The following ORC3 variants were observed in gnomAD, a reference collection of about 807,000 sequenced individuals.
ORC3 encodes homolog of latheo, Drosophila.
A neutral mutation model predicts 100.7 loss-of-function variants in ORC3; 78 were observed. The observed-to-expected ratio is 0.77, with a 90% CI of 0.65 to 0.94. The LOEUF is 0.94. Ranked by LOEUF, ORC3 falls within the 40% of genes least tolerant of loss-of-function variation. The pLI is 0.00. For synonymous variants in ORC3, 295 were observed against 289.3 expected (o/e 1.02, Z -0.20); for missense variants, 789 against 823.9 (o/e 0.96, Z 0.52).
chr6:87,630,144 C>T (rs568666201), intron 11 of ORC3, among the ~76,000 whole-genome samples: 103 of 152,258 alleles, frequency 6.8e-4, no homozygotes, highest in African/African-American at 2.4e-3. Flanking sequence ...AAAAGAGAGA[C>T]TGAGGCTGGG....
At chr6:87,676,592 TAA>T in the ORC3 span, among the ~76,000 whole-genome samples, 4 of 77,892 alleles carry the variant, frequency 5.1e-5, no homozygotes, top group African/African-American at 2.8e-4. Flanking sequence ...CCGTCTCTAC[TAA>T]AAACACACAC....
At chr6:87,665,871 A>G in intron 19 of ORC3, 38 bp downstream of exon 19, 2 of 1,226,608 alleles carry the variant, frequency 1.6e-6, no homozygotes, top group Non-Finnish European at 2.4e-6. Flanking sequence ...GTCCAACTAC[A>G]CATAAAATAT....
intron 11 of ORC3, among the ~76,000 whole-genome samples, chr6:87,627,225 C>T (rs1779977091): frequency 6.7e-6 from 1 of 149,420 alleles, no homozygotes; most frequent in Admixed American, 6.7e-5. Context: ...TCTCAAACTC[C>T]TGACTTCAGA....
chr6:87,657,998 C>G lies in ORC3; in HGVS notation c.1671C>G (p.Asn557Lys). ...AAGTACTCAGAGAAAATGTTGTGAACTTCATTGACTGTCTAGTGAGGTAAG... is the reference window on the plus strand; with the variant it reads ...AAGTACTCAGAGAAAATGTTGTGAAGTTCATTGACTGTCTAGTGAGGTAAG... ...KFEVLRENVVNFIDCLVREYL... is the reference protein window; with the variant it reads ...KFEVLRENVVKFIDCLVREYL... Residue 557 changes from asparagine (N) to lysine (K), a missense_variant, in exon 16 of 20, where the codon AAC (asparagine) becomes AAG (lysine). This residue lies in a region of ORC3 where 366 missense variants were observed against 394.2 expected (regional missense o/e 0.93). Coordinates refer to ENST00000392844, the MANE Select transcript of ORC3 (RefSeq NM_012381.4). 1 of 1,595,304 alleles carries G rather than the reference C, an allele frequency of 6.3e-7. No homozygotes were observed. The highest frequency in any genetic ancestry group is 8.6e-7 in the Non-Finnish European group (1 of 1,163,344).
In ORC3 at chr6:87,667,064, A is replaced by G. The variant is rs977840958; in HGVS notation, c.2077A>G (p.Ile693Val). The G allele has an allele frequency of 9.9e-6, 16 of 1,612,998 alleles. No homozygotes were observed. Among genetic ancestry groups the G allele is most frequent in the Non-Finnish European group, 1.4e-5 (16 of 1,179,646 alleles). The change falls in exon 20 of 20, where the codon ATA becomes GTA. Residue 693 changes from isoleucine to valine, a missense_variant. Transcript: ENST00000392844. ...AVSELELLGF[I>V]KPTKQKTDHV... ...TTCTGAACTAGAACTTTTAGGATTT[A>G]TAAAACCTACCAAACAGAAGACTGA...
chr6:87,604,850 GA>G (rs996346553), intron 4 of ORC3, among the ~76,000 whole-genome samples: 59 of 147,836 alleles, frequency 4.0e-4, no homozygotes, highest in Admixed American at 1.2e-3. Flanking sequence ...GGCTCTCCTA[GA>G]AAAAAAAAAT....
chr6:87,590,157 G>C lies in ORC3; in HGVS notation c.-12G>C. On this transcript the variant is annotated 5_prime_UTR_variant, in exon 1 of 20. Coordinates refer to ENST00000392844, the MANE Select transcript of ORC3 (RefSeq NM_012381.4). ...CCCGAGTGCATCTGGAATACGCAGA[G>C]TCAGTAAGACCATGGCTACGTCCTC... is the stretch of plus-strand genomic sequence containing the variant. 6.2e-7 allele frequency: 1 copy of C among 1,614,132 alleles called. No individual in the cohort carries two copies. The highest frequency in any genetic ancestry group is 8.5e-7 in the Non-Finnish European group (1 of 1,179,944).
chr6:87,591,922 G>C lies in ORC3; in HGVS notation c.24+1730G>C, dbSNP rs541455615. 2.5e-3 allele frequency among the ~76,000 whole-genome samples: 380 copies of C among 152,218 alleles called. 2 individuals are homozygous for C. Among genetic ancestry groups the C allele is most frequent in the African/African-American group, 8.8e-3 (366 of 41,536 alleles). ...AATTTTGTATTTTTAGAAGAGACAG[G>C]GTTTCACCATGTTGGCCAGGCGGGT... On this transcript the variant is annotated intron_variant, in intron 1 of 19. Coordinates refer to ENST00000392844, the MANE Select transcript of ORC3 (RefSeq NM_012381.4).
At chr6:87,666,208 T>C (rs1242761196) in intron 19 of ORC3, among the ~76,000 whole-genome samples, 3 of 152,206 alleles carry the variant, frequency 2.0e-5, no homozygotes, top group Non-Finnish European at 2.9e-5. Flanking sequence ...CTTGGCTGAC[T>C]GCAACGTCCG....
intron 9 of ORC3, 27 bp from the exon 10 acceptor site, chr6:87,621,325 AAT>A: frequency 1.4e-6 from 2 of 1,457,900 alleles, no homozygotes; most frequent in Non-Finnish European, 1.8e-6. Flanking sequence ...AAATATAACA[AAT>A]ATGTTTAATC....
chr6:87,669,764 CTAGGGAAAGAA>C (rs1770792361), downstream of ORC3, among the ~76,000 whole-genome samples: 1 of 152,180 alleles, frequency 6.6e-6, no homozygotes, highest in Non-Finnish European at 1.5e-5. Flanking sequence ...TGGTACAAAT[CTAGGGAAAGAA>C]TAGGTGATTT....
At chr6:87,668,162 A>G (rs564005569), downstream of ORC3, among the ~76,000 whole-genome samples, 2 of 152,294 alleles carry the variant, frequency 1.3e-5, no homozygotes, top group South Asian at 2.1e-4. Context: ...TCTACTCCCA[A>G]GAGAATTATG....
chr6:87,660,583 G>A (rs1351326876), intron 16 of ORC3, among the ~76,000 whole-genome samples: 3 of 152,224 alleles, frequency 2.0e-5, no homozygotes. Context: ...ACCATGAGCA[G>A]CTCTTGGCAA....
chr6:87,656,215 T>C (rs1562378997), intron 14 of ORC3, among the ~76,000 whole-genome samples: 1 of 152,240 alleles, frequency 6.6e-6, no homozygotes, highest in Non-Finnish European at 1.5e-5. Flanking sequence ...AATTTTGTTG[T>C]TTACAATCTT....
chr6:87,624,592 A>G (rs1216642768), intron 11 of ORC3, among the ~76,000 whole-genome samples: 1 of 152,254 alleles, frequency 6.6e-6, no homozygotes, highest in Non-Finnish European at 1.5e-5. Context: ...ATACATGACA[A>G]TAATGTGGTA....
At chr6:87,676,147 A>G in the ORC3 span, among the ~76,000 whole-genome samples, 1,882 of 137,226 alleles carry the variant, frequency 0.014, 41 homozygotes, top group African/African-American at 0.05. Context: ...CATAAAGGCT[A>G]GGTGAGATTT....
chr6:87,674,643 T>TA, the ORC3 span, among the ~76,000 whole-genome samples: 5,168 of 133,506 alleles, frequency 0.039, 179 homozygotes, highest in African/African-American at 0.1. Flanking sequence ...TATATATATA[T>TA]TTTTTTTTTT....
At chr6:87,590,557 A>G (rs1174231926) in intron 1 of ORC3, among the ~76,000 whole-genome samples, 1 of 152,208 alleles carries the variant, frequency 6.6e-6, no homozygotes, top group Admixed American at 6.5e-5. Flanking sequence ...CAGTCAAGAA[A>G]GTCGGTAAAC....
At chr6:87,613,556 C>G (rs1273274234) in intron 8 of ORC3, among the ~76,000 whole-genome samples, 1 of 152,204 alleles carries the variant, frequency 6.6e-6, no homozygotes, top group African/African-American at 2.4e-5. Flanking sequence ...AGTCCAAAGT[C>G]TCATCCGAGA....
Sources: gnomAD v4.1 joint callset for allele counts (sites outside exome capture counted in the v4.1 genomes callset) on GRCh38, gnomAD v4.1.1 for gene constraint, gnomAD v4.1.1 regional missense constraint, MANE v1.5 for transcripts, NCBI Gene and HGNC (gene_info 2026-07-23, HGNC 2026-07-21) for gene names.